PIK3C2G: variants seen among roughly 807,000 people sequenced by gnomAD.
PIK3C2G encodes phosphatidylinositol-4-phosphate 3-kinase catalytic subunit type 2 gamma.
PIK3C2G carries 168 observed loss-of-function variants against 181.1 expected under a neutral mutation model. The observed-to-expected ratio is 0.93, with a 90% CI of 0.82 to 1.05. The LOEUF (loss-of-function observed/expected upper bound fraction) is 1.05, where lower values mean the gene tolerates loss of function less well. Among genes scored for constraint, PIK3C2G ranks in the 50% least tolerant of loss-of-function variants. PIK3C2G has a pLI of 0.00. For synonymous variants in PIK3C2G, 573 were observed against 592.2 expected (o/e 0.97, Z 0.47); for missense variants, 1,869 against 1,732.8 (o/e 1.08, Z -1.40).
At chr12:18,504,103 T>C (rs1031560518) in intron 23 of PIK3C2G, among the ~76,000 whole-genome samples, 1 of 152,156 alleles carries the variant, frequency 6.6e-6, no homozygotes, top group African/African-American at 2.4e-5. Context: ...TGCTTGGTAC[T>C]ATCCTGTGCA....
chr12:18,419,251 G>T (rs961647471), intron 16 of PIK3C2G, among the ~76,000 whole-genome samples: 1 of 152,144 alleles, frequency 6.6e-6, no homozygotes, highest in Non-Finnish European at 1.5e-5. Context: ...TTGTTGTGAT[G>T]TTCCTTTTAT....
At chr12:18,620,130 G>A (rs1330113178) in intron 31 of PIK3C2G, among the ~76,000 whole-genome samples, 3 of 152,110 alleles carry the variant, frequency 2.0e-5, no homozygotes, top group South Asian at 2.1e-4. Context: ...CCTGTTAAAC[G>A]GAGGGGTCTA....
At chr12:18,453,068 A>G (rs575972109) in intron 18 of PIK3C2G, among the ~76,000 whole-genome samples, 6 of 152,298 alleles carry the variant, frequency 3.9e-5, no homozygotes, top group Non-Finnish European at 8.8e-5. Flanking sequence ...AGTTCTGTAG[A>G]TGTCTATTAG....
chr12:18,644,532 T>G (rs1169252681), intron 32 of PIK3C2G, among the ~76,000 whole-genome samples: 1 of 152,162 alleles, frequency 6.6e-6, no homozygotes, highest in African/African-American at 2.4e-5. Context: ...TCTATGCATT[T>G]TACATCCCTT....
intron 31 of PIK3C2G, among the ~76,000 whole-genome samples, chr12:18,635,526 A>G (rs1949556603): frequency 6.6e-6 from 1 of 152,194 alleles, no homozygotes; most frequent in Admixed American, 6.5e-5. Flanking sequence ...ACTAAGGCCT[A>G]GTAGCAGGTC....
chr12:18,249,809 ATATCT>A (rs1303190530), intron 1 of PIK3C2G, among the ~76,000 whole-genome samples: 1 of 152,094 alleles, frequency 6.6e-6, no homozygotes, highest in Non-Finnish European at 1.5e-5. Flanking sequence ...AAACTCAGAA[ATATCT>A]TATATTTCAC....
Position 18,306,046 on chromosome 12 carries a change from A to G in PIK3C2G, c.1035-7916A>G, listed in dbSNP as rs898701424. Among the ~76,000 whole-genome samples, 3 of 151,750 alleles carry G rather than the reference A, an allele frequency of 2.0e-5. No individual in the cohort carries two copies. In the East Asian group the frequency reaches 5.8e-4, roughly 29 times the overall value. On this transcript the variant is annotated intron_variant, in intron 5 of 32. Transcript: ENST00000538779. ...GAGCGTTGCAAACTTGAGAGTTGTT[A>G]TAAAACTTTTTTCCAGATTAAAAAA...
intron 26 of PIK3C2G, among the ~76,000 whole-genome samples, chr12:18,553,751 C>A (rs548122323): frequency 1.3e-3 from 204 of 152,148 alleles, no homozygotes; most frequent in African/African-American, 4.8e-3. Flanking sequence ...TGTAGGAGTT[C>A]AAGAGAGCAC....
intron 18 of PIK3C2G, among the ~76,000 whole-genome samples, chr12:18,462,253 T>C (rs759345062): frequency 6.6e-6 from 1 of 152,192 alleles, no homozygotes; most frequent in Non-Finnish European, 1.5e-5. Context: ...AGCTAATCCT[T>C]ACAAACGGCT....
At chr12:18,437,004 A>C (rs1464388307) in intron 18 of PIK3C2G, among the ~76,000 whole-genome samples, 1 of 151,966 alleles carries the variant, frequency 6.6e-6, no homozygotes, top group African/African-American at 2.4e-5. Flanking sequence ...AATTTTCTGC[A>C]TTGAGATTCT....
At chr12:18,358,280 C>G (rs1411184287) in intron 11 of PIK3C2G, among the ~76,000 whole-genome samples, 1 of 152,226 alleles carries the variant, frequency 6.6e-6, no homozygotes, top group East Asian at 1.9e-4. Context: ...CCACTAGGCA[C>G]TTGCATCCCA....
intron 18 of PIK3C2G, among the ~76,000 whole-genome samples, chr12:18,463,785 C>T (rs1381170302): frequency 6.6e-6 from 1 of 152,130 alleles, no homozygotes; most frequent in Non-Finnish European, 1.5e-5. Context: ...GCCAGAGAGA[C>T]TTGAAGAGCC....
At chr12:18,246,868 A>G (rs1948045443), upstream of PIK3C2G, among the ~76,000 whole-genome samples, 1 of 152,196 alleles carries the variant, frequency 6.6e-6, no homozygotes, top group Non-Finnish European at 1.5e-5. Context: ...TGCTTGGCAT[A>G]TTCTGGTGTA....
At position 18,348,699 on chromosome 12, in the gene PIK3C2G, T is replaced by C. The variant is rs893022512; in HGVS notation, c.1625+1863T>C. ...ATGTCTTACCTCATGACAAATTACATCTTTATTGTAGATTTTCCTAGGGAC... is the reference window on the plus strand; with the variant it reads ...ATGTCTTACCTCATGACAAATTACACCTTTATTGTAGATTTTCCTAGGGAC... On this transcript the variant is annotated intron_variant, in intron 11 of 32. Coordinates refer to ENST00000538779, the MANE Select transcript of PIK3C2G (RefSeq NM_001288772.2). Among the ~76,000 whole-genome samples the C allele has an allele frequency of 5.9e-5, 9 of 152,266 alleles. No individual in the cohort carries two copies. The South Asian group carries it at 1.0e-3, about 18-fold the overall frequency.
intron 18 of PIK3C2G, among the ~76,000 whole-genome samples, chr12:18,478,249 T>C (rs895063647): frequency 2.0e-5 from 3 of 152,286 alleles, no homozygotes; most frequent in Middle Eastern, 3.4e-3. Flanking sequence ...CAGCATTAAT[T>C]ATATATCAAG....
chr12:18,251,606 A>G (rs1356606661), intron 1 of PIK3C2G, among the ~76,000 whole-genome samples: 6 of 152,068 alleles, frequency 3.9e-5, no homozygotes, highest in Non-Finnish European at 8.8e-5. Flanking sequence ...ATCTGTTGAA[A>G]TGGAAGGCAT....
chr12:18,694,492 A>G, the PIK3C2G span, among the ~76,000 whole-genome samples: 1 of 152,172 alleles, frequency 6.6e-6, no homozygotes, highest in African/African-American at 2.4e-5. Flanking sequence ...CTGACCTACA[A>G]AAGCCTAATT....
intron 18 of PIK3C2G, among the ~76,000 whole-genome samples, chr12:18,447,648 T>C (rs1947100504): frequency 6.6e-6 from 1 of 152,208 alleles, no homozygotes. Context: ...TTTTCATAAC[T>C]ACCTGGATTT....
At chr12:18,523,539 G>A (rs1309883301) in intron 24 of PIK3C2G, among the ~76,000 whole-genome samples, 1 of 152,200 alleles carries the variant, frequency 6.6e-6, no homozygotes, top group Non-Finnish European at 1.5e-5. Context: ...CCTAGCATGG[G>A]GAAGACAACA....
Sources: gnomAD v4.1 joint callset for allele counts (sites outside exome capture counted in the v4.1 genomes callset) on GRCh38, gnomAD v4.1.1 for gene constraint, MANE v1.5 for transcripts, NCBI Gene and HGNC (gene_info 2026-07-23, HGNC 2026-07-21) for gene names.